RIMS1: variants seen among roughly 807,000 people sequenced by gnomAD.
RIMS1 encodes regulating synaptic membrane exocytosis 1, also known as regulating synaptic membrane exocytosis protein 1.
RIMS1 carries 83 observed loss-of-function variants against 214.1 expected under a neutral mutation model. The observed-to-expected ratio is 0.39, with a 90% confidence interval of 0.32 to 0.47. RIMS1 has a LOEUF of 0.47. RIMS1 is among the 20% of genes least tolerant of loss of function. The probability of loss-of-function intolerance (pLI) is 0.99; values close to 1 mark genes in which losing one functional copy is unlikely to be tolerated. For synonymous variants in RIMS1, 793 were observed against 786.8 expected, an observed-to-expected ratio of 1.01 and a Z score of -0.13; for missense variants, 2,050 against 2,161.8, an observed-to-expected ratio of 0.95 and a Z score of 1.03.
intron 2 of RIMS1, among the ~76,000 whole-genome samples, chr6:72,026,346 A>G (rs1816466160): frequency 6.6e-6 from 1 of 152,088 alleles, no homozygotes; most frequent in African/African-American, 2.4e-5. Flanking sequence ...ATTCCCTTTT[A>G]CAAAACTTTG....
chr6:72,088,725 A>C (rs1454029437), intron 2 of RIMS1, among the ~76,000 whole-genome samples: 1 of 152,182 alleles, frequency 6.6e-6, no homozygotes, highest in Non-Finnish European at 1.5e-5. Flanking sequence ...GGTGCAAGAA[A>C]GTTTTGAAAA....
In RIMS1 at chr6:72,400,851, T is replaced by C; in HGVS notation, c.*137T>C. 1 of 646,584 alleles carries C rather than the reference T, an allele frequency of 1.5e-6. No individual in the cohort carries two copies. Among genetic ancestry groups the C allele is most frequent in the South Asian group, 2.2e-5 (1 of 44,778 alleles). The allele number at this position is 646,584 out of a possible 1,614,324, so 40.1% of individuals were successfully genotyped here. On this transcript the variant is annotated 3_prime_UTR_variant, in exon 34 of 34. Coordinates refer to ENST00000521978, the MANE Select transcript of RIMS1 (RefSeq NM_014989.7). ...TGCCTGTAGTAGTTTTTCAATAATA[T>C]GTCCCAATTGTTATTTAAAACATGG...
chr6:72,047,308 AT>A (rs1269441203), intron 2 of RIMS1, among the ~76,000 whole-genome samples: 1 of 152,182 alleles, frequency 6.6e-6, no homozygotes, highest in Non-Finnish European at 1.5e-5. Flanking sequence ...ACAATTCCAA[AT>A]TAATTCCCAA....
At position 72,097,144 on chromosome 6, in the gene RIMS1, G is replaced by A; in HGVS notation, c.441G>A (p.Val147=). 1 of 1,613,856 alleles carries A rather than the reference G, an allele frequency of 6.2e-7. No individual in the cohort carries two copies. The highest frequency in any genetic ancestry group is 2.2e-5 in the East Asian group (1 of 44,872). The change falls in exon 3 of 34, where the codon GTG becomes GTA. Residue 147 remains valine (V), a synonymous_variant. Transcript: ENST00000521978. ...TKFCARCGGR[V]SLRSNNEDKV... The stretch of plus-strand genomic sequence containing the variant: ...TCTGTGCGCGCTGCGGAGGCCGCGT[G>A]TCTCTACGGTCAAACAACGTGAGTA...
rs185031931 is a variant in RIMS1, at chr6:71,973,135, C to A, written c.245+4072C>A. Among the ~76,000 whole-genome samples the A allele has an allele frequency of 1.3e-3, 193 of 152,288 alleles. 2 individuals are homozygous for A. The highest frequency in any genetic ancestry group is 0.011 in the Admixed American group (163 of 15,304). On this transcript the variant is annotated intron_variant, in intron 2 of 33. Coordinates refer to ENST00000521978, the MANE Select transcript of RIMS1 (RefSeq NM_014989.7). Reference sequence around the variant, plus strand: ...ATGTTGGTCAGGCTGGTCTTGAACTCCTGACTTCGTGATCCGCCCACCTTG... The same window carrying A: ...ATGTTGGTCAGGCTGGTCTTGAACTACTGACTTCGTGATCCGCCCACCTTG...
At chr6:72,198,421 C>T (rs1376184004) in intron 6 of RIMS1, among the ~76,000 whole-genome samples, 1 of 151,920 alleles carries the variant, frequency 6.6e-6, no homozygotes, top group Non-Finnish European at 1.5e-5. Flanking sequence ...ATCATATACT[C>T]TCACTCATAT....
In RIMS1 at chr6:72,159,439, G is replaced by A. The variant is rs534961873; in HGVS notation, c.472-20136G>A. On this transcript the variant is annotated intron_variant, in intron 4 of 33. Coordinates refer to ENST00000521978, the MANE Select transcript of RIMS1 (RefSeq NM_014989.7). ...TTGGCTTTTGTTGCCATTGCTTTTG[G>A]TGTTTTAGACATGAAGTCCTTGCCC... is the stretch of plus-strand genomic sequence containing the variant. Among the ~76,000 whole-genome samples, 850 of 140,758 alleles carry A rather than the reference G, an allele frequency of 6.0e-3. 160 individuals are homozygous for A. Among genetic ancestry groups the A allele is most frequent in the Non-Finnish European group, 9.8e-3 (605 of 61,906 alleles). 92.3% of individuals were successfully genotyped at this position (140,758 alleles called of 152,430 possible).
intron 19 of RIMS1, among the ~76,000 whole-genome samples, chr6:72,264,273 A>G (rs1164249571): frequency 1.3e-5 from 2 of 152,194 alleles, no homozygotes; most frequent in East Asian, 1.9e-4. Flanking sequence ...CATGGCATAG[A>G]CAGTCCAGAA....
At chr6:72,143,541 G>A (rs1380754269) in intron 4 of RIMS1, among the ~76,000 whole-genome samples, 6 of 152,178 alleles carry the variant, frequency 3.9e-5, no homozygotes, top group Non-Finnish European at 8.8e-5. Context: ...GTCAGCAATG[G>A]AATGTGGAAA....
intron 1 of RIMS1, among the ~76,000 whole-genome samples, chr6:71,901,834 A>G (rs1773720480): frequency 6.6e-6 from 1 of 152,176 alleles, no homozygotes; most frequent in Non-Finnish European, 1.5e-5. Context: ...GATGAGAACT[A>G]CGAAAGAGCT....
At chr6:72,226,841 A>G (rs1309791177) in intron 6 of RIMS1, among the ~76,000 whole-genome samples, 1 of 152,100 alleles carries the variant, frequency 6.6e-6, no homozygotes, top group Admixed American at 6.6e-5. Context: ...TCTGATCTCT[A>G]ACACCACGAT....
chr6:72,315,587 A>G (rs1244367649), intron 28 of RIMS1, among the ~76,000 whole-genome samples: 6 of 152,172 alleles, frequency 3.9e-5, no homozygotes, highest in Admixed American at 3.9e-4. Context: ...AATAGAGAGA[A>G]AAAATAAGAT....
At chr6:72,050,756 G>A (rs966021491) in intron 2 of RIMS1, among the ~76,000 whole-genome samples, 1 of 152,272 alleles carries the variant, frequency 6.6e-6, no homozygotes, top group East Asian at 1.9e-4. Context: ...ATATCCAAAT[G>A]TCTGTCTTTT....
At position 71,921,408 on chromosome 6, in the gene RIMS1, C is replaced by T. The variant is rs192838934; in HGVS notation, c.164+34221C>T. Among the ~76,000 whole-genome samples the T allele has an allele frequency of 2.9e-3, 444 of 152,288 alleles. 5 individuals carry two copies. In the South Asian group the frequency reaches 0.038, roughly 13 times the overall value. ...TGCTGGGATTACAGGCATGAGCCAC[C>T]GCACCCACAAGCCATTATTTAGCTA... On this transcript the variant is annotated intron_variant, in intron 1 of 33. Transcript: ENST00000521978.
intron 2 of RIMS1, among the ~76,000 whole-genome samples, chr6:72,004,124 G>GT (rs1348272673): frequency 2.7e-5 from 4 of 148,190 alleles, no homozygotes; most frequent in African/African-American, 1.0e-4. Context: ...GAGGTGTTTG[G>GT]TTTTTTGTCC....
chr6:72,199,695 G>A (rs1260337809), intron 6 of RIMS1, among the ~76,000 whole-genome samples: 2 of 152,040 alleles, frequency 1.3e-5, no homozygotes, highest in Non-Finnish European at 2.9e-5. Context: ...AGAGGATTAA[G>A]TATGTTTAAA....
chr6:71,958,247 C>G (rs1000274092), intron 1 of RIMS1, among the ~76,000 whole-genome samples: 1 of 152,076 alleles, frequency 6.6e-6, no homozygotes, highest in Non-Finnish European at 1.5e-5. Flanking sequence ...TTGATTACAT[C>G]CAATCACTAT....
intron 8 of RIMS1, 132 bp from the exon 9 acceptor site, chr6:72,237,691 G>T: frequency 8.4e-6 from 5 of 594,888 alleles, no homozygotes; most frequent in Non-Finnish European, 1.4e-5. Context: ...AAAAAAAAAA[G>T]TGCTTCACTT....
At chr6:71,894,239 G>A (rs1222062820) in intron 1 of RIMS1, among the ~76,000 whole-genome samples, 2 of 152,202 alleles carry the variant, frequency 1.3e-5, no homozygotes, top group African/African-American at 4.8e-5. Flanking sequence ...GAGCTCAGGA[G>A]TTTGAGACCA....
Sources: gnomAD v4.1 joint callset for allele counts (sites outside exome capture counted in the v4.1 genomes callset) on GRCh38, gnomAD v4.1.1 for gene constraint, MANE v1.5 for transcripts, NCBI Gene and HGNC (gene_info 2026-07-23, HGNC 2026-07-21) for gene names.